The following ME3 variants were observed in gnomAD, a reference collection of about 807,000 sequenced individuals.
ME3 encodes malic enzyme 3.
ME3 carries 48 observed loss-of-function variants against 68.9 expected under a neutral mutation model. That is an observed-to-expected ratio of 0.70 (90% CI 0.55 to 0.89). The LOEUF (loss-of-function observed/expected upper bound fraction) is 0.89, where lower values mean the gene tolerates loss of function less well. Ranked by LOEUF, ME3 falls within the 40% of genes least tolerant of loss-of-function variation. The probability of loss-of-function intolerance (pLI) is 0.00; values close to 1 mark genes in which losing one functional copy is unlikely to be tolerated. For synonymous variants in ME3, 320 were observed against 318.8 expected (o/e 1.00, Z -0.04); for missense variants, 675 against 797.4 (o/e 0.85, Z 1.85).
At chr11:86,502,532 C>T (rs190911932) in intron 5 of ME3, among the ~76,000 whole-genome samples, 5 of 152,338 alleles carry the variant, frequency 3.3e-5, no homozygotes, top group African/African-American at 9.6e-5. Context: ...AGAGTTCAGA[C>T]CTGCTGTGGA....
intron 4 of ME3, among the ~76,000 whole-genome samples, chr11:86,551,130 G>A (rs1205238742): frequency 6.6e-6 from 1 of 152,130 alleles, no homozygotes; most frequent in Non-Finnish European, 1.5e-5. Context: ...ATCCTCTTAT[G>A]GGTATGGGGT....
chr11:86,449,784 C>T (rs963078185), intron 10 of ME3, 105 bp downstream of exon 10: 6 of 765,108 alleles, frequency 7.8e-6, no homozygotes, highest in Middle Eastern at 3.0e-4. Flanking sequence ...CCTCATTTTG[C>T]TCTCTATTCT....
chr11:86,529,968 C>T (rs1955078857), intron 4 of ME3, among the ~76,000 whole-genome samples: 1 of 152,164 alleles, frequency 6.6e-6, no homozygotes, highest in Non-Finnish European at 1.5e-5. Flanking sequence ...CCTCTCTCAC[C>T]ACTCCTATTC....
In ME3 at chr11:86,646,467, C is replaced by G. The variant is rs181914216; in HGVS notation, c.183+25295G>C. ...AAGGATATCAGAGACTGTAGATTAACTTAGTAAAATAAAGCATGAAGACAG... is the reference window on the plus strand; with the variant it reads ...AAGGATATCAGAGACTGTAGATTAAGTTAGTAAAATAAAGCATGAAGACAG... On this transcript the variant is annotated intron_variant, in intron 2 of 14. Coordinates refer to ENST00000543262, the Ensembl canonical transcript of ME3. 5.6e-4 allele frequency among the ~76,000 whole-genome samples: 85 copies of G among 152,212 alleles called. 1 individual carries two copies. Among genetic ancestry groups the G allele is most frequent in the Middle Eastern group, 3.4e-3 (1 of 294 alleles).
intron 2 of ME3, among the ~76,000 whole-genome samples, chr11:86,654,373 C>T (rs1016900799): frequency 6.6e-6 from 1 of 152,278 alleles, no homozygotes; most frequent in East Asian, 1.9e-4. Flanking sequence ...CTGAATCCAG[C>T]AGCACATCAA....
intron 4 of ME3, among the ~76,000 whole-genome samples, chr11:86,519,255 T>A (rs1301141592): frequency 6.6e-6 from 1 of 152,216 alleles, no homozygotes; most frequent in African/African-American, 2.4e-5. Context: ...GACAAAGGCA[T>A]GCAAATTACA....
At position 86,587,232 on chromosome 11, in the gene ME3, T is replaced by C. The variant is rs1958792974; in HGVS notation, c.184-27409A>G. On this transcript the variant is annotated intron_variant, in intron 2 of 14. Coordinates refer to ENST00000543262, the Ensembl canonical transcript of ME3. ...CAGGAGGCATTTGGCTTGAGGCCAG[T>C]GCAGTTTGCTTCAGCATGGCTGCTC... Among the ~76,000 whole-genome samples the C allele has an allele frequency of 2.0e-5, 3 of 152,216 alleles. No individual in the cohort carries two copies. In the South Asian group the frequency reaches 6.2e-4, roughly 32 times the overall value.
At chr11:86,541,278 A>T (rs1192331846) in intron 4 of ME3, among the ~76,000 whole-genome samples, 1 of 151,990 alleles carries the variant, frequency 6.6e-6, no homozygotes, top group East Asian at 1.9e-4. Context: ...TGCCTGGAGT[A>T]TGAAACACCA....
chr11:86,610,907 C>T (rs972085529), intron 2 of ME3, among the ~76,000 whole-genome samples: 3 of 152,176 alleles, frequency 2.0e-5, no homozygotes, highest in African/African-American at 7.2e-5. Context: ...AAGCCAGGCA[C>T]AGTGGACGAT....
chr11:86,517,860 G>C lies in ME3; in HGVS notation c.468-8993C>G, dbSNP rs531850893. On this transcript the variant is annotated intron_variant, in intron 4 of 14. Coordinates refer to ENST00000543262, the Ensembl canonical transcript of ME3. ...GTGATGTATGTGTTAGGTATGGTAAGTTGTTCAGAATATGGGTGCTGGAAG... is the reference window on the plus strand; with the variant it reads ...GTGATGTATGTGTTAGGTATGGTAACTTGTTCAGAATATGGGTGCTGGAAG... Among the ~76,000 whole-genome samples, 8 of 152,332 alleles carry C rather than the reference G, an allele frequency of 5.3e-5. No individual in the cohort carries two copies. In the South Asian group the frequency reaches 1.5e-3, roughly 28 times the overall value.
intron 5 of ME3, among the ~76,000 whole-genome samples, chr11:86,503,245 T>C (rs1478482945): frequency 2.6e-5 from 4 of 152,224 alleles, no homozygotes. Context: ...TGTAGAGCAC[T>C]TGGCATCATA....
At chr11:86,465,328 G>C in intron 7 of ME3, 128 bp from the exon 8 acceptor site, 1 of 717,370 alleles carries the variant, frequency 1.4e-6, no homozygotes, top group Non-Finnish European at 2.5e-6. Context: ...TCCTTCATCT[G>C]TGTTTTTGCC....
At chr11:86,457,725 A>G in intron 8 of ME3, 1 of 1,287,828 alleles carries the variant, frequency 7.8e-7, no homozygotes, top group Non-Finnish European at 1.0e-6. Flanking sequence ...GTGCCCATAA[A>G]TGCCATGGGC....
At chr11:86,468,381 C>G (rs1341298948) in intron 7 of ME3, among the ~76,000 whole-genome samples, 4 of 152,210 alleles carry the variant, frequency 2.6e-5, no homozygotes, top group Admixed American at 2.0e-4. Flanking sequence ...ATCCATCATT[C>G]ATTTATCCAT....
At chr11:86,531,710 G>A (rs1462544260) in intron 4 of ME3, among the ~76,000 whole-genome samples, 1 of 151,650 alleles carries the variant, frequency 6.6e-6, no homozygotes, top group Non-Finnish European at 1.5e-5. Flanking sequence ...GGACATGGAT[G>A]AAGCTGGAAA....
At chr11:86,645,762 C>G (rs377558753) in intron 2 of ME3, among the ~76,000 whole-genome samples, 6 of 152,186 alleles carry the variant, frequency 3.9e-5, no homozygotes, top group African/African-American at 1.4e-4. Context: ...AGGAGAGACA[C>G]CTTCCAGCAG....
At chr11:86,445,726 G>A (rs931127907) in intron 13 of ME3, among the ~76,000 whole-genome samples, 11 of 151,992 alleles carry the variant, frequency 7.2e-5, no homozygotes, top group African/African-American at 2.7e-4. Context: ...TTCTTTCATG[G>A]TTTTCATCAT....
At chr11:86,577,283 GTC>G (rs767386314) in intron 2 of ME3, among the ~76,000 whole-genome samples, 9 of 152,202 alleles carry the variant, frequency 5.9e-5, no homozygotes, top group Non-Finnish European at 1.2e-4. Flanking sequence ...GGGCCTTGGA[GTC>G]ACATGCACAC....
intron 2 of ME3, among the ~76,000 whole-genome samples, chr11:86,597,206 C>T (rs76391711): frequency 0.046 from 6,959 of 152,286 alleles, 168 homozygotes; most frequent in Non-Finnish European, 0.054. Flanking sequence ...GGGATGTGGT[C>T]GCAGGGGCCC....
Sources: allele counts gnomAD v4.1 joint callset (sites outside exome capture counted in the v4.1 genomes callset), GRCh38; gene constraint gnomAD v4.1.1; transcripts MANE v1.5; gene names NCBI Gene and HGNC (gene_info 2026-07-23, HGNC 2026-07-21).